Variants in NLRP7 observed in about 807,000 individuals in gnomAD.
The protein encoded by NLRP7 is NLR family pyrin domain containing 7.
Under a neutral mutation model 85.5 loss-of-function variants are expected in NLRP7, and 72 were observed. The observed-to-expected ratio is 0.84, with a 90% CI of 0.70 to 1.02. The LOEUF (loss-of-function observed/expected upper bound fraction) is 1.02, where lower values mean the gene tolerates loss of function less well. Ranked by LOEUF, NLRP7 falls within the 50% of genes least tolerant of loss-of-function variation. The pLI, the probability that NLRP7 is intolerant of heterozygous loss-of-function variation, is 0.00. For synonymous variants in NLRP7, 550 were observed against 505.2 expected, an observed-to-expected ratio of 1.09 and a Z score of -1.19; for missense variants, 1,243 against 1,219.5, an observed-to-expected ratio of 1.02 and a Z score of -0.29.
intron 5 of NLRP7, 122 bp downstream of exon 5, chr19:54,937,919 AAAG>A: frequency 6.4e-6 from 5 of 783,460 alleles, no homozygotes; most frequent in Admixed American, 2.2e-5. Flanking sequence ...AAAAAAAAAA[AAAG>A]ACAGCTGGAA....
intron 9 of NLRP7, 151 bp from the exon 11 acceptor site, chr19:54,924,023 A>G: frequency 1.2e-6 from 1 of 808,852 alleles, no homozygotes; most frequent in Non-Finnish European, 2.0e-6. Flanking sequence ...GCTGGGGTAC[A>G]GTGGTGCCAT....
At chr19:54,935,986 A>G (rs2146199903) in intron 6 of NLRP7, among the ~76,000 whole-genome samples, 1 of 152,216 alleles carries the variant, frequency 6.6e-6, no homozygotes, top group South Asian at 2.1e-4. Context: ...CAATCCCAAC[A>G]ATTAGGCAAG....
chr19:54,953,561 G>A (rs1184297383), intron 1 of NLRP7, among the ~76,000 whole-genome samples: 1 of 151,796 alleles, frequency 6.6e-6, no homozygotes, highest in Non-Finnish European at 1.5e-5. Context: ...GGGCCGCGGG[G>A]CTGTCTGCTT....
chr19:54,932,708 T>C (rs1331832386), intron 8 of NLRP7, among the ~76,000 whole-genome samples: 1 of 152,056 alleles, frequency 6.6e-6, no homozygotes, highest in Non-Finnish European at 1.5e-5. Context: ...CGGGCTGGAG[T>C]GCAGTGGCGC....
At chr19:54,951,882 C>T (rs1387772470), upstream of NLRP7, among the ~76,000 whole-genome samples, 1 of 152,006 alleles carries the variant, frequency 6.6e-6, no homozygotes, top group Non-Finnish European at 1.5e-5. Flanking sequence ...TCCCGAATAG[C>T]TGGGACTACA....
Position 54,943,469 on chromosome 19 carries a change from C to T in NLRP7, c.-39-1719G>A, listed in dbSNP as rs564463498. The stretch of plus-strand genomic sequence containing the variant: ...ACAAACAATTAGCCGGGCGTGGTGG[C>T]GGGCGCCTGTAGTCCCAGCTACTCG... On this transcript the variant is annotated intron_variant, in intron 1 of 9. Transcript: ENST00000340844. 4.3e-4 allele frequency among the ~76,000 whole-genome samples: 65 copies of T among 151,156 alleles called. No individual in the cohort carries two copies. The East Asian group carries it at 7.2e-3, about 17-fold the overall frequency.
chr19:54,954,593 C>CCAA (rs1405833814), intron 1 of NLRP7, among the ~76,000 whole-genome samples: 3 of 151,730 alleles, frequency 2.0e-5, no homozygotes, highest in Non-Finnish European at 2.9e-5. Context: ...GCCTGTAATC[C>CCAA]CAACACTTTG....
upstream of NLRP7, among the ~76,000 whole-genome samples, chr19:54,951,321 TG>T (rs1221187477): frequency 6.6e-6 from 1 of 151,320 alleles, no homozygotes; most frequent in Non-Finnish European, 1.5e-5. Flanking sequence ...CTGAGGCAGA[TG>T]GATCACTTAA....
At chr19:54,947,914 C>T (rs995938804), upstream of NLRP7, 5 of 275,352 alleles carry the variant, frequency 1.8e-5, no homozygotes, top group Admixed American at 1.5e-4. Context: ...CAAAAACTCC[C>T]GTGACTTCCT....
intron 1 of NLRP7, among the ~76,000 whole-genome samples, chr19:54,942,082 G>A (rs2069253822): frequency 6.6e-6 from 1 of 151,624 alleles, no homozygotes; most frequent in African/African-American, 2.4e-5. Context: ...TGAAACCCCT[G>A]CCTCTACTAA....
At chr19:54,938,992 G>A (rs1469742709) in exon 4 of NLRP7, 3 of 1,614,220 alleles carry the variant, frequency 1.9e-6, no homozygotes, top group Admixed American at 1.7e-5. Context: ...GCTTCAGGCT[G>A]AAGGAACAAT....
intron 1 of NLRP7, among the ~76,000 whole-genome samples, chr19:54,962,975 T>C (rs922593458): frequency 1.3e-5 from 2 of 152,158 alleles, no homozygotes; most frequent in Non-Finnish European, 2.9e-5. Context: ...AGCTGACAGC[T>C]GTTTGTGATC....
intron 6 of NLRP7, 44 bp downstream of exon 6, chr19:54,936,217 A>G (rs1420458661): frequency 3.2e-6 from 5 of 1,552,446 alleles, no homozygotes; most frequent in Non-Finnish European, 4.4e-6. Flanking sequence ...AACACGGTGC[A>G]GTGGACTCCA....
intron 1 of NLRP7, among the ~76,000 whole-genome samples, chr19:54,945,937 C>T (rs542696145): frequency 6.6e-6 from 1 of 151,694 alleles, no homozygotes; most frequent in Admixed American, 6.6e-5. Flanking sequence ...CTACAGGCGC[C>T]CGCCACTATG....
intron 9 of NLRP7, 89 bp from the exon 10 acceptor site, chr19:54,927,864 G>C: frequency 9.3e-6 from 11 of 1,177,134 alleles, no homozygotes; most frequent in Non-Finnish European, 1.4e-5. Flanking sequence ...GGCCAAGGCG[G>C]GTGGATCACT....
At chr19:54,963,271 G>A (rs2070123361) in intron 1 of NLRP7, among the ~76,000 whole-genome samples, 1 of 152,058 alleles carries the variant, frequency 6.6e-6, no homozygotes, top group South Asian at 2.1e-4. Flanking sequence ...GATGGCGTAT[G>A]CCTGTAGCCT....
At chr19:54,932,225 C>T (rs2068709110) in intron 8 of NLRP7, among the ~76,000 whole-genome samples, 2 of 151,882 alleles carry the variant, frequency 1.3e-5, no homozygotes, top group Admixed American at 6.6e-5. Flanking sequence ...GCCAGGAGTT[C>T]AAGACCAGCC....
intron 3 of NLRP7, 57 bp downstream of exon 3, chr19:54,940,874 T>G (rs1412187903): frequency 1.8e-5 from 18 of 1,010,530 alleles, no homozygotes; most frequent in Non-Finnish European, 2.9e-5. Context: ...GAAGAAGTGA[T>G]GCACCTTGCA....
At chr19:54,954,398 C>T (rs541268678) in intron 1 of NLRP7, among the ~76,000 whole-genome samples, 4 of 145,042 alleles carry the variant, frequency 2.8e-5, no homozygotes, top group East Asian at 3.9e-4. Flanking sequence ...GGTGCGGTGG[C>T]GGGCGCCTGT....
Sources: allele counts gnomAD v4.1 joint callset (sites outside exome capture counted in the v4.1 genomes callset), GRCh38; gene constraint gnomAD v4.1.1; transcripts MANE v1.5; gene names NCBI Gene and HGNC (gene_info 2026-07-23, HGNC 2026-07-21).